PHKB: variants seen among roughly 807,000 people sequenced by gnomAD.
The protein encoded by PHKB is phosphorylase b kinase regulatory subunit beta.
A neutral mutation model predicts 152.1 loss-of-function variants in PHKB; 122 were observed. The observed-to-expected ratio is 0.80, with a 90% confidence interval of 0.69 to 0.93. The LOEUF (loss-of-function observed/expected upper bound fraction) is 0.93. PHKB is among the 40% of genes least tolerant of loss of function. PHKB has a pLI of 0.00. For synonymous variants in PHKB, 436 were observed against 464.9 expected (o/e 0.94, Z 0.80); for missense variants, 1,304 against 1,328.4 (o/e 0.98, Z 0.29).
intron 7 of PHKB, among the ~76,000 whole-genome samples, chr16:47,568,780 C>G (rs1971609994): frequency 6.6e-6 from 1 of 152,032 alleles, no homozygotes; most frequent in African/African-American, 2.4e-5. Context: ...ATTGTTGACT[C>G]AAAAATCATT....
chr16:47,578,893 G>A (rs1366555289), intron 7 of PHKB, among the ~76,000 whole-genome samples: 3 of 151,976 alleles, frequency 2.0e-5, no homozygotes, highest in African/African-American at 7.3e-5. Flanking sequence ...TTTTTGCTAG[G>A]CTGCTCTTCT....
intron 3 of PHKB, among the ~76,000 whole-genome samples, chr16:47,501,334 G>A (rs1192375601): frequency 6.6e-6 from 1 of 152,098 alleles, no homozygotes; most frequent in Non-Finnish European, 1.5e-5. Context: ...GTATGAGGAT[G>A]GCTAGACTAA....
At chr16:47,579,391 A>T (rs925425272) in intron 7 of PHKB, among the ~76,000 whole-genome samples, 4 of 152,310 alleles carry the variant, frequency 2.6e-5, no homozygotes, top group South Asian at 4.1e-4. Context: ...CCCTACTCCC[A>T]AGAAGAAATG....
In PHKB at chr16:47,670,042, C is replaced by T. The variant is rs1358211507; in HGVS notation, c.2630+625C>T. ...TGTCTCAGTAACCTTGGGTAAATGA[C>T]TGAACCTCTCTAGCCTCACTTTAAT... On this transcript the variant is annotated intron_variant, in intron 26 of 30. Transcript: ENST00000323584. Among the ~76,000 whole-genome samples the T allele has an allele frequency of 2.0e-5, 3 of 152,176 alleles. 1 individual carries two copies. Among genetic ancestry groups the T allele is most frequent in the Non-Finnish European group, 4.4e-5 (3 of 68,038 alleles).
intron 7 of PHKB, among the ~76,000 whole-genome samples, chr16:47,552,800 AAC>A (rs61186489): frequency 0.095 from 13,481 of 142,602 alleles, 1,122 homozygotes; most frequent in African/African-American, 0.23. Context: ...CCCCATCTCA[AAC>A]ACACACACAC....
At chr16:47,537,839 T>G (rs1970978027) in intron 6 of PHKB, among the ~76,000 whole-genome samples, 1 of 152,010 alleles carries the variant, frequency 6.6e-6, no homozygotes, top group African/African-American at 2.4e-5. Context: ...AATCACTGAA[T>G]TGTAAGCAGG....
rs886052026 is a variant in PHKB at position 47,699,722 on chromosome 16, TAAA to T, written c.*358_*360del. ...GACTGAATTCTTACCATACTGCCAT[TAAA>T]ATAAATTTGCCAACTAGTAATGCAT... On this transcript the variant is annotated 3_prime_UTR_variant, in exon 31 of 31. Coordinates refer to ENST00000323584, the MANE Select transcript of PHKB (RefSeq NM_000293.3). The T allele has an allele frequency of 6.8e-6, 2 of 296,048 alleles. No homozygotes were observed. Among genetic ancestry groups the T allele is most frequent in the Non-Finnish European group, 6.5e-6 (1 of 153,154 alleles). The allele number at this position is 296,048 out of a possible 1,614,324, so 18.3% of individuals were successfully genotyped here. A position where few individuals can be genotyped will look rare whatever the true frequency, so the allele number is the denominator to read the frequency against.
chr16:47,653,757 A>G (rs1313924868), intron 20 of PHKB, among the ~76,000 whole-genome samples: 1 of 152,186 alleles, frequency 6.6e-6, no homozygotes, highest in Non-Finnish European at 1.5e-5. Flanking sequence ...GAAATATAAG[A>G]TTTGAATAAA....
intron 16 of PHKB, among the ~76,000 whole-genome samples, chr16:47,647,145 T>C (rs1353550234): frequency 6.6e-6 from 1 of 152,012 alleles, no homozygotes; most frequent in Non-Finnish European, 1.5e-5. Context: ...ATTTTTGAAA[T>C]GTAGTTTCTC....
chr16:47,640,133 A>G (rs1484819000), intron 14 of PHKB, among the ~76,000 whole-genome samples: 1 of 152,160 alleles, frequency 6.6e-6, no homozygotes, highest in African/African-American at 2.4e-5. Flanking sequence ...TGATATATGT[A>G]TGCTGGTGTT....
chr16:47,631,586 G>T (rs1456814147), intron 14 of PHKB, among the ~76,000 whole-genome samples: 2 of 152,068 alleles, frequency 1.3e-5, no homozygotes, highest in East Asian at 3.9e-4. Flanking sequence ...CTATCAACCC[G>T]TCATCTACAT....
At chr16:47,607,964 G>A (rs953542688) in intron 13 of PHKB, among the ~76,000 whole-genome samples, 2 of 151,544 alleles carry the variant, frequency 1.3e-5, no homozygotes, top group East Asian at 3.9e-4. Flanking sequence ...TGTGCTTATT[G>A]GTAATTTGTA....
At chr16:47,671,063 C>G (rs1973629845) in intron 26 of PHKB, among the ~76,000 whole-genome samples, 1 of 152,182 alleles carries the variant, frequency 6.6e-6, no homozygotes, top group Admixed American at 6.5e-5. Context: ...TCCATATCTT[C>G]TAATCTGTAA....
At chr16:47,479,148 G>A (rs555483448) in intron 1 of PHKB, among the ~76,000 whole-genome samples, 3 of 152,226 alleles carry the variant, frequency 2.0e-5, no homozygotes, top group South Asian at 4.1e-4. Flanking sequence ...TACTTATACG[G>A]TTTTAGGGCC....
At chr16:47,496,058 T>C (rs1477951524) in intron 1 of PHKB, among the ~76,000 whole-genome samples, 1 of 152,008 alleles carries the variant, frequency 6.6e-6, no homozygotes, top group Non-Finnish European at 1.5e-5. Context: ...ACTAGGATGT[T>C]GGACACAGCA....
intron 1 of PHKB, among the ~76,000 whole-genome samples, chr16:47,470,340 C>T (rs1969743636): frequency 6.6e-6 from 1 of 152,204 alleles, no homozygotes; most frequent in South Asian, 2.1e-4. Flanking sequence ...TTAACTGCAG[C>T]AGGAGCATGT....
At chr16:47,566,541 A>G in intron 7 of PHKB, 1 of 1,594,612 alleles carries the variant, frequency 6.3e-7, no homozygotes, top group Non-Finnish European at 8.5e-7. Flanking sequence ...ACTGATATTT[A>G]GTCCTCTAAA....
intron 6 of PHKB, 79 bp downstream of exon 6, chr16:47,515,680 T>A: frequency 1.4e-6 from 1 of 735,792 alleles, no homozygotes; most frequent in South Asian, 1.5e-5. Context: ...TCACAACTTA[T>A]TTTTAGTTTA....
rs562468438 is a variant in PHKB at position 47,582,659 on chromosome 16, A to G, written c.774+2301A>G. Reference sequence around the variant, plus strand: ...TAATATACAATCAAGGGCGAGAACAACTGCTCTAAGCCGAGTTAATTTTTG... The same window carrying G: ...TAATATACAATCAAGGGCGAGAACAGCTGCTCTAAGCCGAGTTAATTTTTG... On this transcript the variant is annotated intron_variant, in intron 8 of 30. Transcript: ENST00000323584. Among the ~76,000 whole-genome samples, 416 of 152,330 alleles carry G rather than the reference A, an allele frequency of 2.7e-3. 1 individual carries two copies. Among genetic ancestry groups the G allele is most frequent in the Admixed American group, 6.3e-3 (96 of 15,306 alleles).
Sources: allele counts gnomAD v4.1 joint callset (sites outside exome capture counted in the v4.1 genomes callset), GRCh38; gene constraint gnomAD v4.1.1; transcripts MANE v1.5; gene names NCBI Gene and HGNC (gene_info 2026-07-23, HGNC 2026-07-21).